The following CADM2 variants were observed in gnomAD, a reference collection of about 807,000 sequenced individuals.
The protein encoded by CADM2 is immunoglobulin superfamily member 4D.
CADM2 carries 12 observed loss-of-function variants against 49.8 expected under a neutral mutation model. The ratio of observed to expected loss-of-function variants is 0.24; its 90% confidence interval spans 0.15 to 0.39. CADM2 has a LOEUF of 0.39. CADM2 is among the 10% of genes least tolerant of loss of function. The pLI is 1.00. For missense variants in CADM2, 378 were observed against 492.3 expected (o/e 0.77, Z 2.20); for synonymous variants, 214 against 175.4 (o/e 1.22, Z -1.74).
At chr3:85,893,132 T>C (rs893782262) in intron 5 of CADM2, among the ~76,000 whole-genome samples, 5 of 152,130 alleles carry the variant, frequency 3.3e-5, no homozygotes, top group African/African-American at 1.2e-4. Context: ...ATTTAGAGTA[T>C]ATGGCAGAAG....
chr3:85,049,132 G>T (rs1448459355), intron 1 of CADM2, among the ~76,000 whole-genome samples: 1 of 152,058 alleles, frequency 6.6e-6, no homozygotes, highest in African/African-American at 2.4e-5. Flanking sequence ...TGGCTAATTG[G>T]CCTGGTGGTT....
intron 8 of CADM2, chr3:86,013,377 A>C (rs1577949621): frequency 7.8e-6 from 12 of 1,539,898 alleles, no homozygotes; most frequent in Non-Finnish European, 9.8e-6. Flanking sequence ...GGGAAAGCAA[A>C]ATATACCTCT....
intron 2 of CADM2, among the ~76,000 whole-genome samples, chr3:85,764,390 T>C (rs2069550291): frequency 6.6e-6 from 1 of 152,082 alleles, no homozygotes; most frequent in Non-Finnish European, 1.5e-5. Context: ...ATGAAATCTT[T>C]TTAAATAAGA....
At chr3:85,548,492 A>AG (rs1187066114) in intron 1 of CADM2, among the ~76,000 whole-genome samples, 3 of 151,974 alleles carry the variant, frequency 2.0e-5, no homozygotes, top group Non-Finnish European at 4.4e-5. Flanking sequence ...AGAGGTTTCA[A>AG]GGGGAAAAAG....
At chr3:85,638,815 G>A (rs2064605439) in intron 1 of CADM2, among the ~76,000 whole-genome samples, 1 of 151,714 alleles carries the variant, frequency 6.6e-6, no homozygotes, top group South Asian at 2.1e-4. Flanking sequence ...GCAAATCACA[G>A]GCATGCATGT....
chr3:85,457,781 C>T (rs2038059889), intron 1 of CADM2, among the ~76,000 whole-genome samples: 1 of 152,078 alleles, frequency 6.6e-6, no homozygotes, highest in Non-Finnish European at 1.5e-5. Flanking sequence ...AGGATGACTT[C>T]TAAATTTGTT....
intron 8 of CADM2, among the ~76,000 whole-genome samples, chr3:85,981,075 T>C (rs1247284987): frequency 6.6e-6 from 1 of 151,374 alleles, no homozygotes; most frequent in African/African-American, 2.4e-5. Flanking sequence ...AGTACTATTG[T>C]TCTTTGTGGG....
chr3:84,992,927 C>G (rs1255857002), intron 1 of CADM2, among the ~76,000 whole-genome samples: 1 of 152,048 alleles, frequency 6.6e-6, no homozygotes, highest in African/African-American at 2.4e-5. Context: ...GATTTCATGT[C>G]CCTGTAATTT....
chr3:85,400,899 CT>C (rs1186768803), intron 1 of CADM2, among the ~76,000 whole-genome samples: 1 of 152,128 alleles, frequency 6.6e-6, no homozygotes, highest in Non-Finnish European at 1.5e-5. Context: ...CTTACCTCAA[CT>C]CCTCCTTTAG....
chr3:85,369,049 TCTTC>T (rs1345473456), intron 1 of CADM2, among the ~76,000 whole-genome samples: 1 of 152,234 alleles, frequency 6.6e-6, no homozygotes, highest in Non-Finnish European at 1.5e-5. Flanking sequence ...TCTTCTTATG[TCTTC>T]CTTCTAAAAC....
chr3:85,554,968 G>C (rs1399845073), intron 1 of CADM2, among the ~76,000 whole-genome samples: 1 of 145,876 alleles, frequency 6.9e-6, no homozygotes, highest in Non-Finnish European at 1.5e-5. Flanking sequence ...CTCTCACCTT[G>C]GCCTCACAAA....
intron 1 of CADM2, among the ~76,000 whole-genome samples, chr3:85,339,474 G>T (rs1354615160): frequency 6.6e-6 from 1 of 151,436 alleles, no homozygotes; most frequent in East Asian, 1.9e-4. Context: ...GTCTCCCAAA[G>T]AAATAAACTT....
intron 1 of CADM2, among the ~76,000 whole-genome samples, chr3:85,262,620 A>G (rs1407356432): frequency 6.6e-6 from 1 of 152,148 alleles, no homozygotes; most frequent in Admixed American, 6.6e-5. Flanking sequence ...AAGCAATATT[A>G]TCTGACTTCA....
chr3:85,041,106 T>G (rs561610626), intron 1 of CADM2, among the ~76,000 whole-genome samples: 2 of 152,344 alleles, frequency 1.3e-5, no homozygotes, highest in East Asian at 3.9e-4. Context: ...CTTTTAATTC[T>G]TCTTCCTTTA....
At chr3:86,045,468 G>A (rs529698369) in intron 8 of CADM2, among the ~76,000 whole-genome samples, 5 of 152,158 alleles carry the variant, frequency 3.3e-5, no homozygotes, top group Admixed American at 3.3e-4. Flanking sequence ...GAAAAGAGTT[G>A]ATAAATGCAC....
At chr3:85,531,892 A>G (rs968166339) in intron 1 of CADM2, among the ~76,000 whole-genome samples, 2 of 152,320 alleles carry the variant, frequency 1.3e-5, no homozygotes, top group Non-Finnish European at 2.9e-5. Flanking sequence ...TAACAAATAA[A>G]AAAGTCCAGG....
At chr3:85,061,012 T>C (rs2036288252) in intron 1 of CADM2, among the ~76,000 whole-genome samples, 1 of 152,134 alleles carries the variant, frequency 6.6e-6, no homozygotes. Context: ...AAACAGATGC[T>C]GAAGAACTGT....
intron 1 of CADM2, among the ~76,000 whole-genome samples, chr3:85,257,800 A>G (rs2107879979): frequency 6.6e-6 from 1 of 152,188 alleles, no homozygotes; most frequent in African/African-American, 2.4e-5. Flanking sequence ...TTTATTTCCA[A>G]GAGTTTTAAA....
chr3:85,379,163 C>G (rs1275894863), intron 1 of CADM2, among the ~76,000 whole-genome samples: 1 of 151,828 alleles, frequency 6.6e-6, no homozygotes, highest in Non-Finnish European at 1.5e-5. Context: ...AAAAATATTA[C>G]CATTGTAAAC....
Sources: gnomAD v4.1 joint callset for allele counts (sites outside exome capture counted in the v4.1 genomes callset) on GRCh38, gnomAD v4.1.1 for gene constraint, MANE v1.5 for transcripts, NCBI Gene and HGNC (gene_info 2026-07-23, HGNC 2026-07-21) for gene names.